The following NKTR variants were observed in gnomAD, a reference collection of about 807,000 sequenced individuals.
NKTR encodes the protein natural killer cell triggering receptor.
NKTR carries 67 observed loss-of-function variants against 156.3 expected under a neutral mutation model. The observed-to-expected ratio is 0.43, with a 90% CI of 0.35 to 0.53. NKTR has a LOEUF of 0.53. Among genes scored for constraint, NKTR ranks in the 20% least tolerant of loss-of-function variants. The pLI is 0.01. For synonymous variants in NKTR, 640 were observed against 596.6 expected (o/e 1.07, Z -1.06); for missense variants, 1,604 against 1,730.9 (o/e 0.93, Z 1.30).
At chr3:42,633,785 T>C (rs1709132805) in intron 10 of NKTR, 50 bp downstream of exon 10, 1 of 1,604,464 alleles carries the variant, frequency 6.2e-7, no homozygotes, top group African/African-American at 1.3e-5. Context: ...ATAACACTGT[T>C]CCGTCAGCTC....
chr3:42,645,692 AAAAG>A (rs914005302), intron 16 of NKTR, among the ~76,000 whole-genome samples, 192 bp from the exon 17 acceptor site: 26 of 152,240 alleles, frequency 1.7e-4, no homozygotes, highest in African/African-American at 5.3e-4. Context: ...CTCAAAAAGA[AAAAG>A]AAAAGTCCAT....
intron 2 of NKTR, among the ~76,000 whole-genome samples, chr3:42,615,897 C>T (rs1238247346): frequency 6.9e-6 from 1 of 145,742 alleles, no homozygotes; most frequent in Non-Finnish European, 1.5e-5. Flanking sequence ...ACTTTAGATA[C>T]ACTGCTCCCT....
At chr3:42,607,448 T>A (rs529544084) in intron 2 of NKTR, among the ~76,000 whole-genome samples, 1 of 152,180 alleles carries the variant, frequency 6.6e-6, no homozygotes, top group Admixed American at 6.5e-5. Context: ...AAGATGTGGC[T>A]AATATCTCAG....
intron 7 of NKTR, 62 bp from the exon 8 acceptor site, chr3:42,631,109 C>T: frequency 1.3e-6 from 2 of 1,587,320 alleles, no homozygotes; most frequent in African/African-American, 1.3e-5. Flanking sequence ...AGTTAATTGT[C>T]TTGATTACTG....
rs572556718 is a variant in NKTR, at chr3:42,606,436, G to A, written c.58+5372G>A. Among the ~76,000 whole-genome samples the A allele has an allele frequency of 2.6e-5, 4 of 152,128 alleles. No individual in the cohort carries two copies. The South Asian group carries it at 8.3e-4, about 32-fold the overall frequency. On this transcript the variant is annotated intron_variant, in intron 2 of 16. Transcript: ENST00000232978. ...GCATGTGCAGGAGTATGGACACTAA[G>A]TCAAGTTAAGGGGCTTTCATATTTA...
chr3:42,629,476 G>A (rs1375547034), intron 6 of NKTR: 26 of 966,430 alleles, frequency 2.7e-5, no homozygotes, highest in Non-Finnish European at 3.2e-5. Context: ...TGTTACGAAG[G>A]TTAAAAACTG....
At chr3:42,604,091 G>T (rs1434792386) in intron 2 of NKTR, among the ~76,000 whole-genome samples, 4 of 152,152 alleles carry the variant, frequency 2.6e-5, no homozygotes, top group African/African-American at 9.7e-5. Flanking sequence ...AAGTTTATGT[G>T]CTTAGAGTTG....
intron 2 of NKTR, chr3:42,612,506 G>A (rs746994884): frequency 3.9e-5 from 6 of 151,938 alleles, no homozygotes; most frequent in Non-Finnish European, 7.4e-5. Context: ...TCTAACATCC[G>A]GCCTCATTTC....
At position 42,622,306 on chromosome 3, in the gene NKTR, A is replaced by G. The variant is rs138440935; in HGVS notation, c.374+790A>G. Among the ~76,000 whole-genome samples the G allele has an allele frequency of 5.2e-3, 790 of 152,200 alleles. 7 individuals are homozygous for G. The highest frequency in any genetic ancestry group is 0.018 in the African/African-American group (756 of 41,558). On this transcript the variant is annotated intron_variant, in intron 6 of 16. Coordinates refer to ENST00000232978, the MANE Select transcript of NKTR (RefSeq NM_005385.4). ...CAAAACCTATTTTTATCATAATTCT[A>G]TCATATAAAATGTGAAAGATAACTG...
At chr3:42,614,879 C>T (rs1707192004) in intron 2 of NKTR, among the ~76,000 whole-genome samples, 1 of 151,862 alleles carries the variant, frequency 6.6e-6, no homozygotes, top group Non-Finnish European at 1.5e-5. Context: ...TCTTATGTGC[C>T]AGGTTTAATC....
intron 6 of NKTR, among the ~76,000 whole-genome samples, chr3:42,625,847 G>A (rs561342833): frequency 6.6e-6 from 1 of 152,058 alleles, no homozygotes; most frequent in African/African-American, 2.4e-5. Flanking sequence ...TAATGTTTAT[G>A]TGACTTACGT....
Position 42,637,770 on chromosome 3 carries a change from C to T in NKTR, c.2066C>T (p.Ser689Leu). The change falls in exon 13 of 17, where the codon TCA (serine) becomes TTA (leucine). Residue 689 changes from serine to leucine, a missense_variant. Coordinates refer to ENST00000232978, the MANE Select transcript of NKTR (RefSeq NM_005385.4). ...TACAGTGATAGAAGTTCAGAAAGCT[C>T]ACCAAGGTCAAGGAGCAGATCTTCT... ...SKYSDRSSESSPRSRSRSSRS... is the reference protein window; with the variant it reads ...SKYSDRSSESLPRSRSRSSRS... The T allele has an allele frequency of 6.2e-7, 1 of 1,613,734 alleles. No individual in the cohort carries two copies. The highest frequency in any genetic ancestry group is 2.2e-5 in the East Asian group (1 of 44,882).
At position 42,635,211 on chromosome 3, in the gene NKTR, GT is replaced by G; in HGVS notation, c.1018-5del. 2 of 1,605,458 alleles carry G rather than the reference GT, an allele frequency of 1.2e-6. No homozygotes were observed. The highest frequency in any genetic ancestry group is 1.3e-5 in the African/African-American group (1 of 74,394). On this transcript the variant is annotated splice_polypyrimidine_tract_variant and intron_variant, in intron 11 of 16. Transcript: ENST00000232978. Reference sequence around the variant, plus strand: ...CATTTTTTAAAATACTATTGTTTTTGTTTTTAAAGCGCTATCACACACCTCC... The same window carrying G: ...CATTTTTTAAAATACTATTGTTTTTGTTTTAAAGCGCTATCACACACCTCC...
chr3:42,600,884 A>G, intron 1 of NKTR, 100 bp from the exon 2 acceptor site: 1 of 682,672 alleles, frequency 1.5e-6, no homozygotes, highest in Non-Finnish European at 2.2e-6. Context: ...GGCCGGCGTG[A>G]GGCACCGTGG....
intron 6 of NKTR, chr3:42,628,619 G>T: frequency 2.0e-6 from 2 of 985,210 alleles, no homozygotes; most frequent in Non-Finnish European, 2.4e-6. Context: ...AGAAGGAGAA[G>T]GAATGTATCT....
At chr3:42,630,002 G>T in intron 6 of NKTR, 1 of 985,472 alleles carries the variant, frequency 1.0e-6, no homozygotes, top group South Asian at 4.7e-5. Context: ...GGTGAAGGAA[G>T]ATGGGCAGGA....
intron 2 of NKTR, among the ~76,000 whole-genome samples, chr3:42,604,090 T>C (rs1705920186): frequency 6.6e-6 from 1 of 152,176 alleles, no homozygotes; most frequent in African/African-American, 2.4e-5. Flanking sequence ...CAAGTTTATG[T>C]GCTTAGAGTT....
rs1458499876 is a variant in NKTR, at chr3:42,639,110, A to T, written c.3406A>T (p.Arg1136Trp). ...DDNMEICTPD[R>W]SSPAKVEETS... ...CAACATGGAGATCTGCACTCCTGATAGGAGTTCCCCAGCAAAAGTAGAGGA... is the reference window on the plus strand; with the variant it reads ...CAACATGGAGATCTGCACTCCTGATTGGAGTTCCCCAGCAAAAGTAGAGGA... Residue 1136 changes from arginine to tryptophan, a missense_variant, in exon 13 of 17, where the codon AGG becomes TGG. This residue lies in a region of NKTR where 1,255 missense variants were observed against 1,243.7 expected (regional missense o/e 1.01). Transcript: ENST00000232978. 1 of 1,614,214 alleles carries T rather than the reference A, an allele frequency of 6.2e-7. No homozygotes were observed. The highest frequency in any genetic ancestry group is 8.5e-7 in the Non-Finnish European group (1 of 1,180,040).
chr3:42,617,525 A>T (rs539873355), intron 2 of NKTR, 45 bp from the exon 3 acceptor site: 1 of 940,026 alleles, frequency 1.1e-6, no homozygotes, highest in African/African-American at 1.6e-5. Flanking sequence ...TAAATGTGAT[A>T]TATTTAACTT....
Sources: gnomAD v4.1 joint callset for allele counts (sites outside exome capture counted in the v4.1 genomes callset) on GRCh38, gnomAD v4.1.1 for gene constraint, gnomAD v4.1.1 regional missense constraint, MANE v1.5 for transcripts, NCBI Gene and HGNC (gene_info 2026-07-23, HGNC 2026-07-21) for gene names.